SYTL1: variants seen among roughly 807,000 people sequenced by gnomAD.
SYTL1 encodes the protein synaptotagmin like 1, also known as synaptotagmin-like protein 1.
A neutral mutation model predicts 74.6 loss-of-function variants in SYTL1; 53 were observed. That is an observed-to-expected ratio of 0.71 (90% CI 0.57 to 0.89). SYTL1 has a LOEUF of 0.89. Among genes scored for constraint, SYTL1 ranks in the 40% least tolerant of loss-of-function variants. The pLI, the probability that SYTL1 is intolerant of heterozygous loss-of-function variation, is 0.00. For missense variants in SYTL1, 728 were observed against 768.7 expected (o/e 0.95, Z 0.63); for synonymous variants, 329 against 324.9 (o/e 1.01, Z -0.14).
chr1:27,349,698 G>C lies in SYTL1; in HGVS notation c.680G>C (p.Gly227Ala), dbSNP rs2015163126. The change falls in exon 8 of 15, where the codon GGG becomes GCG. Residue 227 changes from glycine (G) to alanine (A), a missense_variant. Physicochemically the swap from Gly to Ala is moderately conservative, Grantham distance 60 (BLOSUM62 0). Coordinates refer to ENST00000616558, the MANE Select transcript of SYTL1 (RefSeq NM_001193308.2). ...QILENGEEAP[G>A]PDPSLDRMLS... is the part of the protein sequence containing the mutation. Reference sequence around the variant, plus strand: ...CTGGAGAATGGGGAGGAGGCCCCGGGGCCCGACCCCTCTCTCGACCGCATG... The same window carrying C: ...CTGGAGAATGGGGAGGAGGCCCCGGCGCCCGACCCCTCTCTCGACCGCATG... The C allele has an allele frequency of 4.3e-6, 7 of 1,611,420 alleles. No individual in the cohort carries two copies. Among genetic ancestry groups the C allele is most frequent in the South Asian group, 1.1e-5 (1 of 90,904 alleles).
chr1:27,349,047 CG>C (rs1557541539), intron 5 of SYTL1, 32 bp from the exon 6 acceptor site: 1 of 1,552,830 alleles, frequency 6.4e-7, no homozygotes, highest in Admixed American at 1.7e-5. Flanking sequence ...CACCAGCCCC[CG>C]TACTGTGACC....
chr1:27,351,665 C>T lies in SYTL1; in HGVS notation c.1343+110C>T. Reference sequence around the variant, plus strand: ...TTGATCACGCAGCCTGGGCTTTCACCACTGAGCAGGGGTGAAGGGGACGGT... The same window carrying T: ...TTGATCACGCAGCCTGGGCTTTCACTACTGAGCAGGGGTGAAGGGGACGGT... On this transcript the variant is annotated intron_variant, in intron 13 of 14. Transcript: ENST00000616558. This position sits in a 1 kb window ranked among gnomAD's most constrained non-coding sequence, Gnocchi z 5.0. The T allele has an allele frequency of 1.4e-6, 1 of 727,232 alleles. No homozygotes were observed. The highest frequency in any genetic ancestry group is 2.2e-6 in the Non-Finnish European group (1 of 451,724). The allele number at this position is 727,232 out of a possible 1,614,324, so 45.0% of individuals were successfully genotyped here. A position where few individuals can be genotyped will look rare whatever the true frequency, so the allele number is the denominator to read the frequency against.
In SYTL1 at chr1:27,343,019, C is replaced by T. The variant is rs1398188283; in HGVS notation, c.-39+869C>T. Reference sequence around the variant, plus strand: ...TGCTCCTGAGGGTGTCAAGAGGGATCGCTGGGGCTCGGCCACTGACTCAGC... The same window carrying T: ...TGCTCCTGAGGGTGTCAAGAGGGATTGCTGGGGCTCGGCCACTGACTCAGC... On this transcript the variant is annotated intron_variant, in intron 1 of 14. Coordinates refer to ENST00000616558, the MANE Select transcript of SYTL1 (RefSeq NM_001193308.2). This position sits in a 1 kb window ranked among gnomAD's most constrained non-coding sequence, Gnocchi z 5.2. Among the ~76,000 whole-genome samples, 2 of 152,242 alleles carry T rather than the reference C, an allele frequency of 1.3e-5. No individual in the cohort carries two copies. Among genetic ancestry groups the T allele is most frequent in the South Asian group, 2.1e-4 (1 of 4,834 alleles).
At position 27,348,692 on chromosome 1, in the gene SYTL1, A is replaced by G. The variant is rs1390199711; in HGVS notation, c.460-388A>G. 6.6e-6 allele frequency among the ~76,000 whole-genome samples: 1 copy of G among 152,198 alleles called. No individual in the cohort carries two copies. The highest frequency in any genetic ancestry group is 1.5e-5 in the Non-Finnish European group (1 of 68,050). Reference sequence around the variant, plus strand: ...ATTGCACTCTAGCCTGGGCAACAAGAGTGAAACTCTGTCTCAATTAAAAAT... The same window carrying G: ...ATTGCACTCTAGCCTGGGCAACAAGGGTGAAACTCTGTCTCAATTAAAAAT... On this transcript the variant is annotated intron_variant, in intron 5 of 14. Coordinates refer to ENST00000616558, the MANE Select transcript of SYTL1 (RefSeq NM_001193308.2). This position sits in a 1 kb window ranked among gnomAD's most constrained non-coding sequence, Gnocchi z 4.1.
rs2015263412 is a variant in SYTL1 at position 27,351,303 on chromosome 1, C to G, written c.1210C>G (p.Leu404Val). 1 of 1,563,556 alleles carries G rather than the reference C, an allele frequency of 6.4e-7. No individual in the cohort carries two copies. Among genetic ancestry groups the G allele is most frequent in the East Asian group, 2.4e-5 (1 of 42,304 alleles). Residue 404 changes from leucine to valine, a missense_variant, in exon 12 of 15, where the codon CTG becomes GTG. Transcript: ENST00000616558. This position sits in a 1 kb window ranked among gnomAD's most constrained non-coding sequence, Gnocchi z 5.0. ...DDLPSRGLLALSLKYVPAGSE... is the reference protein window; with the variant it reads ...DDLPSRGLLAVSLKYVPAGSE... ...CCTTCCGAGCCGCGGGTTACTCGCC[C>G]TGTCCCTCAAGTACGTCCCCGCCGG...
rs2015249490 is a variant in SYTL1, at chr1:27,351,054, C to G, written c.1164+102C>G. Reference sequence around the variant, plus strand: ...CCCTCACACCCCGCCTTCGACAGAACCTCCCCTCAACCTCTTAACCTCATG... The same window carrying G: ...CCCTCACACCCCGCCTTCGACAGAAGCTCCCCTCAACCTCTTAACCTCATG... On this transcript the variant is annotated intron_variant, in intron 11 of 14. Transcript: ENST00000616558. The surrounding 1 kb of genome is among the most constrained non-coding windows in gnomAD (Gnocchi z 5.0). The G allele has an allele frequency of 7.0e-7, 1 of 1,429,680 alleles. No individual in the cohort carries two copies. The highest frequency in any genetic ancestry group is 9.5e-7 in the Non-Finnish European group (1 of 1,050,000). 88.6% of individuals were successfully genotyped at this position (1,429,680 alleles called of 1,614,324 possible).
rs1413568813 is a variant in SYTL1 at position 27,350,511 on chromosome 1, C to T, written c.1005+26C>T. 3 of 1,579,634 alleles carry T rather than the reference C, an allele frequency of 1.9e-6. No individual in the cohort carries two copies. The highest frequency in any genetic ancestry group is 1.7e-6 in the Non-Finnish European group (2 of 1,152,184). ...GTGAGGCTGTGACCACGATGCGGTTCCCCGTTAATGAACTGGACGCCCCCT... is the reference window on the plus strand; with the variant it reads ...GTGAGGCTGTGACCACGATGCGGTTTCCCGTTAATGAACTGGACGCCCCCT... On this transcript the variant is annotated intron_variant, in intron 10 of 14. Coordinates refer to ENST00000616558, the MANE Select transcript of SYTL1 (RefSeq NM_001193308.2). This position sits in a 1 kb window ranked among gnomAD's most constrained non-coding sequence, Gnocchi z 6.3.
intron 1 of SYTL1, among the ~76,000 whole-genome samples, chr1:27,344,639 C>T (rs1400912747): frequency 6.6e-6 from 1 of 150,384 alleles, no homozygotes; most frequent in Non-Finnish European, 1.5e-5. Context: ...ATCATGAGGT[C>T]AGGAGTTCGA....
intron 5 of SYTL1, 21 bp from the exon 6 acceptor site, chr1:27,349,056 ACCT>A (rs1241573595): frequency 6.3e-7 from 1 of 1,589,736 alleles, no homozygotes; most frequent in South Asian, 1.1e-5. Context: ...CCGTACTGTG[ACCT>A]CTACCCCTTT....
chr1:27,345,206 C>T lies in SYTL1; in HGVS notation c.-38-91C>T, dbSNP rs978616088. The T allele has an allele frequency of 2.8e-5, 20 of 707,762 alleles. No individual in the cohort carries two copies. Among genetic ancestry groups the T allele is most frequent in the African/African-American group, 1.7e-4 (9 of 53,862 alleles). The allele number at this position is 707,762 out of a possible 1,614,324, so 43.8% of individuals were successfully genotyped here. A position where few individuals can be genotyped will look rare whatever the true frequency, so the allele number is the denominator to read the frequency against. ...CCTGGGGTGGCACCCTACCCATACC[C>T]GGCCAAGTGTTTGGGGAGAAAAGGG... On this transcript the variant is annotated intron_variant, in intron 1 of 14. Coordinates refer to ENST00000616558, the MANE Select transcript of SYTL1 (RefSeq NM_001193308.2). The surrounding 1 kb of genome is among the most constrained non-coding windows in gnomAD (Gnocchi z 6.0).
In SYTL1 at chr1:27,349,815, G is replaced by T. The variant is rs544976952; in HGVS notation, c.747+50G>T. ...GGCGGCCGGGGGGTGGACCCGTTCCGATGCGTAGCCCCTGCCTGCCCCTCC... is the reference window on the plus strand; with the variant it reads ...GGCGGCCGGGGGGTGGACCCGTTCCTATGCGTAGCCCCTGCCTGCCCCTCC... On this transcript the variant is annotated intron_variant, in intron 8 of 14. Transcript: ENST00000616558. 15 of 1,550,636 alleles carry T rather than the reference G, an allele frequency of 9.7e-6. No individual in the cohort carries two copies. The East Asian group carries it at 3.6e-4, about 37-fold the overall frequency.
In SYTL1 at chr1:27,350,825, G is replaced by T. The variant is rs753631898; in HGVS notation, c.1037G>T (p.Arg346Leu). The T allele has an allele frequency of 1.2e-6, 2 of 1,613,690 alleles. No homozygotes were observed. Among genetic ancestry groups the T allele is most frequent in the Middle Eastern group, 1.6e-4 (1 of 6,084 alleles). Residue 346 changes from arginine (R) to leucine (L), a missense_variant, in exon 11 of 15, where the codon CGC becomes CTC. Arg to Leu is a moderately radical substitution (Grantham distance 102). Transcript: ENST00000616558. This position sits in a 1 kb window ranked among gnomAD's most constrained non-coding sequence, Gnocchi z 6.3. ...YSVPQAELQGRVLSLSVWHRE... is the reference protein window; with the variant it reads ...YSVPQAELQGLVLSLSVWHRE... ...GTCCCGCAGGCCGAGCTTCAGGGCCGCGTGCTGAGCCTGTCTGTGTGGCAC... is the reference window on the plus strand; with the variant it reads ...GTCCCGCAGGCCGAGCTTCAGGGCCTCGTGCTGAGCCTGTCTGTGTGGCAC...
At chr1:27,346,670 G>C (rs953719566) in intron 2 of SYTL1, among the ~76,000 whole-genome samples, 1 of 152,076 alleles carries the variant, frequency 6.6e-6, no homozygotes, top group Non-Finnish European at 1.5e-5. Context: ...GCTGAGGTGA[G>C]AGGATTGCTT....
At chr1:27,353,687 C>T (rs758229032) in intron 14 of SYTL1, 26 bp from the exon 15 acceptor site, 9 of 1,605,412 alleles carry the variant, frequency 5.6e-6, no homozygotes, top group Non-Finnish European at 7.7e-6. Flanking sequence ...TGATCATGCC[C>T]TCAACCCCTG....
rs1315944932 is a variant in SYTL1, at chr1:27,345,884, G to A, written c.191+359G>A. Reference sequence around the variant, plus strand: ...AACCTCCACCCCTCCGGGTTCAAGCGATTCTCCTGCCACAGCCTCCCAAAT... The same window carrying A: ...AACCTCCACCCCTCCGGGTTCAAGCAATTCTCCTGCCACAGCCTCCCAAAT... On this transcript the variant is annotated intron_variant, in intron 2 of 14. Coordinates refer to ENST00000616558, the MANE Select transcript of SYTL1 (RefSeq NM_001193308.2). The surrounding 1 kb of genome is among the most constrained non-coding windows in gnomAD (Gnocchi z 6.0). Among the ~76,000 whole-genome samples, 3 of 151,814 alleles carry A rather than the reference G, an allele frequency of 2.0e-5. No homozygotes were observed. The highest frequency in any genetic ancestry group is 2.9e-5 in the Non-Finnish European group (2 of 67,974).
rs1031552393 is a variant in SYTL1, at chr1:27,345,095, T to C, written c.-38-202T>C. On this transcript the variant is annotated intron_variant, in intron 1 of 14. Transcript: ENST00000616558. The surrounding 1 kb of genome is among the most constrained non-coding windows in gnomAD (Gnocchi z 6.0). ...GGTGTGTGCATGTGTGTCTCTTGCT[T>C]CTTCCACTGTGTCTCCAAGTGTGTT... 2 of 369,292 alleles carry C rather than the reference T, an allele frequency of 5.4e-6. No individual in the cohort carries two copies. Among genetic ancestry groups the C allele is most frequent in the Non-Finnish European group, 9.8e-6 (2 of 204,950 alleles). 22.9% of individuals were successfully genotyped at this position (369,292 alleles called of 1,614,324 possible).
chr1:27,350,324 A>C lies in SYTL1; in HGVS notation c.909-65A>C. The C allele has an allele frequency of 6.6e-7, 1 of 1,523,636 alleles. No individual in the cohort carries two copies. Among genetic ancestry groups the C allele is most frequent in the South Asian group, 1.1e-5 (1 of 89,296 alleles). The allele number at this position is 1,523,636 out of a possible 1,614,324, so 94.4% of individuals were successfully genotyped here. On this transcript the variant is annotated intron_variant, in intron 9 of 14. Coordinates refer to ENST00000616558, the MANE Select transcript of SYTL1 (RefSeq NM_001193308.2). The surrounding 1 kb of genome is among the most constrained non-coding windows in gnomAD (Gnocchi z 6.3). ...ACGTGTTCGGGATGGTGGCTGGGGG[A>C]GCCCACAGGCAGGGGAGAAGGCTCT... is the stretch of plus-strand genomic sequence containing the variant.
rs41291086 is a variant in SYTL1 at position 27,342,119 on chromosome 1, C to T, written c.-70C>T. The stretch of plus-strand genomic sequence containing the variant: ...CTGCCAGGGGAGCTGGAGCCACCTG[C>T]GAAGGTGTCCTCCCATACTGGACCC... On this transcript the variant is annotated 5_prime_UTR_variant, in exon 1 of 15. Coordinates refer to ENST00000616558, the MANE Select transcript of SYTL1 (RefSeq NM_001193308.2). The surrounding 1 kb of genome is among the most constrained non-coding windows in gnomAD (Gnocchi z 4.7). 4,012 of 152,918 alleles carry T rather than the reference C, an allele frequency of 0.026. 70 individuals are homozygous for T. Among genetic ancestry groups the T allele is most frequent in the Non-Finnish European group, 0.039 (2,645 of 68,578 alleles). The allele number at this position is 152,918 out of a possible 1,614,324, so 9.5% of individuals were successfully genotyped here.
At position 27,347,644 on chromosome 1, in the gene SYTL1, G is replaced by A; in HGVS notation, c.340+75G>A. On this transcript the variant is annotated intron_variant, in intron 3 of 14. Coordinates refer to ENST00000616558, the MANE Select transcript of SYTL1 (RefSeq NM_001193308.2). The surrounding 1 kb of genome is among the most constrained non-coding windows in gnomAD (Gnocchi z 4.9). Reference sequence around the variant, plus strand: ...TGGCTGTATGTGGACAGGGAGAGAGGACCACTAGGGCTCCAGTCCTGGCTG... The same window carrying A: ...TGGCTGTATGTGGACAGGGAGAGAGAACCACTAGGGCTCCAGTCCTGGCTG... The A allele has an allele frequency of 1.3e-6, 2 of 1,512,408 alleles. No individual in the cohort carries two copies. The highest frequency in any genetic ancestry group is 1.8e-5 in the Admixed American group (1 of 55,142). The allele number at this position is 1,512,408 out of a possible 1,614,324, so 93.7% of individuals were successfully genotyped here. A position where few individuals can be genotyped will look rare whatever the true frequency, so the allele number is the denominator to read the frequency against.
Sources: gnomAD v4.1 joint callset for allele counts (sites outside exome capture counted in the v4.1 genomes callset) on GRCh38, gnomAD v4.1.1 for gene constraint, Gnocchi (gnomAD v3.1) non-coding constraint, MANE v1.5 for transcripts, NCBI Gene and HGNC (gene_info 2026-07-23, HGNC 2026-07-21) for gene names.